BLTP2: variants seen among roughly 807,000 people sequenced by gnomAD.
BLTP2 encodes bridge-like lipid transfer protein family member 2.
the BLTP2 span, chr17:28,635,386 T>C: frequency 1.9e-6 from 3 of 1,614,084 alleles, no homozygotes; most frequent in Non-Finnish European, 2.5e-6. Flanking sequence ...TGTGCTCACC[T>C]CCAGGGTTAG....
At chr17:28,617,105 C>G in the BLTP2 span, 2 of 1,173,358 alleles carry the variant, frequency 1.7e-6, no homozygotes, top group Admixed American at 4.0e-5. Flanking sequence ...TACTGCTAAG[C>G]TGGGCAAGCT....
the BLTP2 span, chr17:28,615,962 G>A: frequency 7.0e-6 from 7 of 1,005,658 alleles, no homozygotes; most frequent in Non-Finnish European, 9.2e-6. Flanking sequence ...CTCTTGAGGG[G>A]AGCAGAGGGA....
At chr17:28,631,744 TGGA>T in the BLTP2 span, 1 of 1,600,040 alleles carries the variant, frequency 6.2e-7, no homozygotes, top group Non-Finnish European at 8.6e-7. Context: ...AAGACAGAGA[TGGA>T]GGAGGGGAAT....
chr17:28,645,087 G>C, the BLTP2 span: 7 of 1,557,320 alleles, frequency 4.5e-6, no homozygotes, highest in Non-Finnish European at 6.1e-6. Flanking sequence ...GCTTGGCCCC[G>C]GCCCCCGCCA....
At chr17:28,635,613 T>C in the BLTP2 span, 23 of 1,602,618 alleles carry the variant, frequency 1.4e-5, no homozygotes, top group Middle Eastern at 1.7e-4. Context: ...ACTGAACCTT[T>C]AGGGAGCAGA....
At chr17:28,634,399 T>G in the BLTP2 span, 2 of 519,892 alleles carry the variant, frequency 3.8e-6, no homozygotes, top group Non-Finnish European at 7.0e-6. Context: ...CCCATCCCAC[T>G]CCACCCACCC....
chr17:28,627,686 A>G, the BLTP2 span, among the ~76,000 whole-genome samples: 5 of 152,088 alleles, frequency 3.3e-5, no homozygotes, highest in Non-Finnish European at 7.4e-5. Context: ...GGCGTGAGCC[A>G]CTGCGCCCGG....
chr17:28,640,227 T>C, the BLTP2 span, among the ~76,000 whole-genome samples: 7 of 152,210 alleles, frequency 4.6e-5, no homozygotes, highest in East Asian at 1.2e-3. Context: ...ACCCTGCCTC[T>C]ACTAAAATAC....
chr17:28,617,754 T>A, the BLTP2 span, among the ~76,000 whole-genome samples: 74 of 152,180 alleles, frequency 4.9e-4, no homozygotes, highest in Admixed American at 4.2e-3. Flanking sequence ...CTCACCTGTA[T>A]CTGTATCTTA....
the BLTP2 span, among the ~76,000 whole-genome samples, chr17:28,630,081 C>G: frequency 6.6e-6 from 1 of 152,216 alleles, no homozygotes; most frequent in African/African-American, 2.4e-5. Context: ...CCAGGCTGGT[C>G]TGGAACTCTT....
chr17:28,617,091 A>G, the BLTP2 span: 1 of 1,163,714 alleles, frequency 8.6e-7, no homozygotes, highest in Non-Finnish European at 1.3e-6. Context: ...AGGAGAAGCA[A>G]TGGTACTGCT....
At chr17:28,618,737 T>C in the BLTP2 span, 47 of 1,450,394 alleles carry the variant, frequency 3.2e-5, no homozygotes, top group Non-Finnish European at 4.4e-5. Flanking sequence ...ACTCCTAAGC[T>C]AGGTCAATGT....
At chr17:28,631,768 AG>A in the BLTP2 span, 1 of 1,604,140 alleles carries the variant, frequency 6.2e-7, no homozygotes, top group Non-Finnish European at 8.5e-7. Flanking sequence ...GGAACTGAGA[AG>A]GGAAAAACAA....
the BLTP2 span, chr17:28,615,696 T>C: frequency 1.2e-6 from 2 of 1,614,072 alleles, no homozygotes; most frequent in East Asian, 2.2e-5. Flanking sequence ...CTGTCCCTTT[T>C]GACAGCCATG....
At chr17:28,634,150 C>T in the BLTP2 span, 2 of 1,395,702 alleles carry the variant, frequency 1.4e-6, no homozygotes, top group South Asian at 1.2e-5. Flanking sequence ...TCGGGCCTAT[C>T]TTTTTCCTCA....
chr17:28,636,894 A>AT, the BLTP2 span: 1 of 1,300,930 alleles, frequency 7.7e-7, no homozygotes, highest in Non-Finnish European at 1.1e-6. Context: ...GAAAAAAAAA[A>AT]AAAAAGACAG....
chr17:28,643,871 A>C, the BLTP2 span, among the ~76,000 whole-genome samples: 1 of 152,240 alleles, frequency 6.6e-6, no homozygotes, highest in African/African-American at 2.4e-5. Context: ...TGTGTCCTAC[A>C]AACATTTTTA....
the BLTP2 span, chr17:28,635,887 CT>C: frequency 2.8e-6 from 1 of 362,160 alleles, no homozygotes; most frequent in East Asian, 5.6e-5. Context: ...TGTCTTAATT[CT>C]TTGGTATCTA....
chr17:28,631,983 T>C, the BLTP2 span: 2 of 1,606,090 alleles, frequency 1.2e-6, no homozygotes, highest in East Asian at 2.2e-5. Flanking sequence ...AGGGACTCAA[T>C]ATGAGAAACA....
Sources: allele counts gnomAD v4.1 joint callset (sites outside exome capture counted in the v4.1 genomes callset), GRCh38; gene constraint gnomAD v4.1.1; transcripts MANE v1.5; gene names NCBI Gene and HGNC (gene_info 2026-07-23, HGNC 2026-07-21).